TBC1D32: variants seen among roughly 807,000 people sequenced by gnomAD.
TBC1D32 encodes TBC1 domain family member 32, also known as protein broad-minded.
TBC1D32 carries 151 observed loss-of-function variants against 170.3 expected under a neutral mutation model. That is an observed-to-expected ratio of 0.89 (90% confidence interval 0.78 to 1.01). The LOEUF (loss-of-function observed/expected upper bound fraction) is 1.01, where lower values mean the gene tolerates loss of function less well. Ranked by LOEUF, TBC1D32 falls within the 50% of genes least tolerant of loss-of-function variation. The pLI is 0.00. For missense variants in TBC1D32, 1,464 were observed against 1,457.1 expected (o/e 1.00, Z -0.08); for synonymous variants, 498 against 488.0 (o/e 1.02, Z -0.27).
At chr6:121,262,746 G>C (rs1055492475) in intron 15 of TBC1D32, among the ~76,000 whole-genome samples, 1 of 152,096 alleles carries the variant, frequency 6.6e-6, no homozygotes, top group Non-Finnish European at 1.5e-5. Context: ...CAAAGTGCGA[G>C]GATTACAGGC....
At chr6:121,325,186 T>G (rs1810287429) in intron 1 of TBC1D32, among the ~76,000 whole-genome samples, 1 of 141,518 alleles carries the variant, frequency 7.1e-6, no homozygotes, top group South Asian at 2.2e-4. Flanking sequence ...CACTCCAGCC[T>G]GGGTGACACA....
At position 121,304,780 on chromosome 6, in the gene TBC1D32, C is replaced by A; in HGVS notation, c.744G>T (p.Met248Ile). Reference protein sequence around the residue: ...AQTFLLSPLHMTKEIYTSLAK... With the variant: ...AQTFLLSPLHITKEIYTSLAK... ...CTAAGCTTGTATAAATTTCCTTGGT[C>A]ATATGTAATGGAGAAAGCAAAAATG... The change falls in exon 6 of 32, where the codon ATG (methionine) becomes ATT (isoleucine). Residue 248 changes from methionine (M) to isoleucine (I), a missense_variant. Physicochemically the swap from Met to Ile is conservative, Grantham distance 10. Transcript: ENST00000398212. 2 of 1,608,110 alleles carry A rather than the reference C, an allele frequency of 1.2e-6. No individual in the cohort carries two copies. The highest frequency in any genetic ancestry group is 2.2e-5 in the South Asian group (2 of 89,474).
chr6:121,192,887 T>C (rs1448397254), intron 22 of TBC1D32, among the ~76,000 whole-genome samples: 2 of 152,200 alleles, frequency 1.3e-5, no homozygotes, highest in Non-Finnish European at 2.9e-5. Flanking sequence ...ACAACAATGA[T>C]GGCCTCCCCT....
chr6:121,263,319 C>T (rs542090873), intron 15 of TBC1D32, among the ~76,000 whole-genome samples: 111 of 151,930 alleles, frequency 7.3e-4, no homozygotes, highest in African/African-American at 2.6e-3. Context: ...GACTTTAAAC[C>T]AACAAAGATC....
intron 8 of TBC1D32, 97 bp downstream of exon 8, chr6:121,304,268 A>G: frequency 1.9e-6 from 2 of 1,041,280 alleles, no homozygotes; most frequent in Middle Eastern, 2.4e-4. Flanking sequence ...CAATCAGGTA[A>G]GTCCATTAAG....
At chr6:121,265,640 C>A (rs1800372440) in intron 15 of TBC1D32, among the ~76,000 whole-genome samples, 1 of 150,750 alleles carries the variant, frequency 6.6e-6, no homozygotes, top group Admixed American at 6.6e-5. Flanking sequence ...ACAAAAAGAA[C>A]AAATCTGGAG....
chr6:121,137,688 A>G (rs1035426420), intron 24 of TBC1D32, among the ~76,000 whole-genome samples: 12 of 151,876 alleles, frequency 7.9e-5, no homozygotes, highest in African/African-American at 2.7e-4. Context: ...GTCATACAGG[A>G]AAAAAGAGTA....
chr6:121,238,575 T>C (rs1796589464), intron 20 of TBC1D32, among the ~76,000 whole-genome samples: 1 of 152,112 alleles, frequency 6.6e-6, no homozygotes, highest in African/African-American at 2.4e-5. Context: ...TAAAAAGCCA[T>C]TGAATTATGA....
chr6:121,299,589 T>C (rs1047049013), intron 9 of TBC1D32, 84 bp from the exon 10 acceptor site: 3 of 1,314,916 alleles, frequency 2.3e-6, no homozygotes, highest in Non-Finnish European at 3.1e-6. Flanking sequence ...AATGACAACA[T>C]CATAAATCAC....
At chr6:121,258,802 A>C (rs1799386368) in intron 15 of TBC1D32, among the ~76,000 whole-genome samples, 1 of 152,160 alleles carries the variant, frequency 6.6e-6, no homozygotes, top group Non-Finnish European at 1.5e-5. Context: ...TCCATTGTGT[A>C]AACATAATTC....
At chr6:121,191,898 G>A (rs200567865) in intron 22 of TBC1D32, among the ~76,000 whole-genome samples, 29 of 151,952 alleles carry the variant, frequency 1.9e-4, no homozygotes, top group Admixed American at 1.6e-3. Context: ...ACTGGCCTAG[G>A]CTCCCAGCCT....
intron 15 of TBC1D32, among the ~76,000 whole-genome samples, chr6:121,270,606 G>C (rs1345394904): frequency 1.3e-5 from 2 of 152,084 alleles, no homozygotes; most frequent in African/African-American, 2.4e-5. Flanking sequence ...CTCTGAACTT[G>C]AGGCAATAAT....
chr6:121,278,649 T>C (rs1802551906), intron 15 of TBC1D32, among the ~76,000 whole-genome samples: 1 of 152,232 alleles, frequency 6.6e-6, no homozygotes, highest in African/African-American at 2.4e-5. Context: ...AAAATTCCCA[T>C]AGTTATAAAA....
chr6:121,268,737 T>C (rs1800903358), intron 15 of TBC1D32, among the ~76,000 whole-genome samples: 1 of 151,984 alleles, frequency 6.6e-6, no homozygotes, highest in African/African-American at 2.4e-5. Context: ...CAGGCCAACA[T>C]TCAAATTCAG....
At chr6:121,232,806 C>A (rs1382495675) in intron 20 of TBC1D32, among the ~76,000 whole-genome samples, 1 of 151,932 alleles carries the variant, frequency 6.6e-6, no homozygotes, top group Non-Finnish European at 1.5e-5. Context: ...TGAGTTGTGA[C>A]ATTTGATTGT....
At chr6:121,283,552 T>C (rs1803349747) in intron 13 of TBC1D32, among the ~76,000 whole-genome samples, 1 of 151,846 alleles carries the variant, frequency 6.6e-6, no homozygotes, top group South Asian at 2.1e-4. Flanking sequence ...TGAGAACATT[T>C]TGATCTTAAT....
intron 24 of TBC1D32, among the ~76,000 whole-genome samples, chr6:121,158,878 T>C (rs140781853): frequency 0.011 from 1,706 of 152,244 alleles, 7 homozygotes; most frequent in Middle Eastern, 0.027. Flanking sequence ...CTGTTTGAAT[T>C]TTAGTGGCTC....
intron 30 of TBC1D32, among the ~76,000 whole-genome samples, chr6:121,092,570 G>T (rs891930081): frequency 6.6e-6 from 1 of 151,770 alleles, no homozygotes; most frequent in Non-Finnish European, 1.5e-5. Context: ...CAGGCAGGGG[G>T]GGCTTAAACA....
intron 20 of TBC1D32, among the ~76,000 whole-genome samples, chr6:121,225,764 T>C (rs190082416): frequency 6.6e-6 from 1 of 152,190 alleles, no homozygotes; most frequent in Admixed American, 6.5e-5. Flanking sequence ...AAGAAATACA[T>C]TCATTTCTCA....
Sources: allele counts gnomAD v4.1 joint callset (sites outside exome capture counted in the v4.1 genomes callset), GRCh38; gene constraint gnomAD v4.1.1; transcripts MANE v1.5; gene names NCBI Gene and HGNC (gene_info 2026-07-23, HGNC 2026-07-21).